The following FCHSD2 variants were observed in gnomAD, a reference collection of about 807,000 sequenced individuals.
The protein encoded by FCHSD2 is F-BAR and double SH3 domains protein 2.
A neutral mutation model predicts 108.1 loss-of-function variants in FCHSD2; 38 were observed. That is an observed-to-expected ratio of 0.35 (90% CI 0.27 to 0.46). FCHSD2 has a LOEUF of 0.46. Ranked by LOEUF, FCHSD2 falls within the 20% of genes least tolerant of loss-of-function variation. FCHSD2 has a pLI of 1.00. For missense variants in FCHSD2, 751 were observed against 897.8 expected, an observed-to-expected ratio of 0.84 and a Z score of 2.09; for synonymous variants, 279 against 314.7, an observed-to-expected ratio of 0.89 and a Z score of 1.20.
chr11:72,964,166 A>C (rs181099149), intron 8 of FCHSD2, among the ~76,000 whole-genome samples: 43 of 152,340 alleles, frequency 2.8e-4, no homozygotes, highest in Non-Finnish European at 2.9e-4. Context: ...GATGTAACAG[A>C]AATCAAGAGA....
At chr11:73,030,344 T>C (rs939527620) in intron 3 of FCHSD2, among the ~76,000 whole-genome samples, 4 of 152,068 alleles carry the variant, frequency 2.6e-5, no homozygotes. Context: ...GATGATGCAA[T>C]AGAGAGATTA....
At chr11:73,052,467 T>C (rs761853700) in intron 3 of FCHSD2, among the ~76,000 whole-genome samples, 15 of 152,278 alleles carry the variant, frequency 9.9e-5, no homozygotes, top group Non-Finnish European at 1.8e-4. Context: ...AATAGTGTAA[T>C]TGTGAATTAC....
intron 4 of FCHSD2, among the ~76,000 whole-genome samples, chr11:73,005,902 C>CTTTT (rs56872243): frequency 1.6e-5 from 2 of 125,666 alleles, no homozygotes; most frequent in Non-Finnish European, 3.4e-5. Context: ...TATTCCTAAA[C>CTTTT]TTTTTTTTTT....
intron 3 of FCHSD2, among the ~76,000 whole-genome samples, chr11:73,072,661 T>G (rs1859463748): frequency 6.6e-6 from 1 of 152,200 alleles, no homozygotes; most frequent in Non-Finnish European, 1.5e-5. Flanking sequence ...AGTTATCCTG[T>G]CTCCTTATTT....
chr11:72,876,965 T>G lies in FCHSD2; in HGVS notation c.1147-8939A>C, dbSNP rs558131993. ...AAATGTATTTTGTCTAACAGTAATA[T>G]GATCACTTCATTTTTTTTTTTTTTA... On this transcript the variant is annotated intron_variant, in intron 12 of 19. Transcript: ENST00000409418. 1.1e-3 allele frequency among the ~76,000 whole-genome samples: 174 copies of G among 152,252 alleles called. 1 individual carries two copies. The highest frequency in any genetic ancestry group is 5.8e-3 in the South Asian group (28 of 4,820).
intron 3 of FCHSD2, among the ~76,000 whole-genome samples, chr11:73,066,576 A>C (rs1245804544): frequency 1.3e-5 from 2 of 152,156 alleles, no homozygotes; most frequent in East Asian, 1.9e-4. Context: ...AATGGGAGAA[A>C]ATTTTTGCAA....
At chr11:73,123,551 T>C (rs1860784205) in intron 2 of FCHSD2, among the ~76,000 whole-genome samples, 1 of 152,238 alleles carries the variant, frequency 6.6e-6, no homozygotes, top group South Asian at 2.1e-4. Flanking sequence ...GCTTTTATAA[T>C]GCGTTCTTGG....
chr11:72,923,221 C>G (rs1856008678), intron 8 of FCHSD2, among the ~76,000 whole-genome samples: 1 of 152,042 alleles, frequency 6.6e-6, no homozygotes, highest in South Asian at 2.1e-4. Context: ...ATAAATAATG[C>G]TGCAAAGTTA....
chr11:72,869,060 C>T (rs1854793064), intron 12 of FCHSD2, among the ~76,000 whole-genome samples: 1 of 151,998 alleles, frequency 6.6e-6, no homozygotes, highest in Non-Finnish European at 1.5e-5. Context: ...GTGTGTACCA[C>T]CACACCCGGC....
At chr11:73,051,222 G>A (rs1858891123) in intron 3 of FCHSD2, among the ~76,000 whole-genome samples, 1 of 152,072 alleles carries the variant, frequency 6.6e-6, no homozygotes, top group African/African-American at 2.4e-5. Flanking sequence ...TGCTGAGGAG[G>A]GAAAATCAGT....
intron 8 of FCHSD2, among the ~76,000 whole-genome samples, chr11:72,963,499 C>A (rs1307151922): frequency 6.6e-6 from 1 of 152,164 alleles, no homozygotes; most frequent in Non-Finnish European, 1.5e-5. Flanking sequence ...AAAAAAACTT[C>A]TCTTCTTTAG....
At chr11:73,009,947 G>T (rs565746256) in intron 4 of FCHSD2, among the ~76,000 whole-genome samples, 1 of 152,206 alleles carries the variant, frequency 6.6e-6, no homozygotes, top group Non-Finnish European at 1.5e-5. Flanking sequence ...TCTAAATCTC[G>T]TTAGACTTGG....
intron 13 of FCHSD2, among the ~76,000 whole-genome samples, chr11:72,863,062 G>A (rs150246305): frequency 2.6e-5 from 4 of 152,094 alleles, no homozygotes; most frequent in African/African-American, 4.8e-5. Flanking sequence ...AGCTAGGACC[G>A]CAGGAATGTA....
intron 3 of FCHSD2, among the ~76,000 whole-genome samples, chr11:73,077,250 A>G (rs1182829256): frequency 6.6e-6 from 1 of 152,116 alleles, no homozygotes; most frequent in African/African-American, 2.4e-5. Flanking sequence ...AATCAATAAA[A>G]TATTTGAACA....
At chr11:73,039,136 C>A (rs558594086) in intron 3 of FCHSD2, among the ~76,000 whole-genome samples, 48 of 152,270 alleles carry the variant, frequency 3.2e-4, no homozygotes, top group African/African-American at 1.2e-3. Context: ...ATTCCAAATC[C>A]TATCTATTCC....
At chr11:72,984,063 A>G in intron 8 of FCHSD2, 25 bp downstream of exon 8, 1 of 1,585,276 alleles carries the variant, frequency 6.3e-7, no homozygotes, top group Non-Finnish European at 8.6e-7. Flanking sequence ...AAGTAAAATT[A>G]CCATAGATAT....
chr11:72,915,907 T>C (rs1012337703), intron 9 of FCHSD2, among the ~76,000 whole-genome samples: 3 of 152,192 alleles, frequency 2.0e-5, no homozygotes, highest in Non-Finnish European at 4.4e-5. Context: ...TGAGATCGTG[T>C]CCTTTGCAGG....
chr11:72,933,581 A>G (rs909838563), intron 8 of FCHSD2, among the ~76,000 whole-genome samples: 2 of 152,188 alleles, frequency 1.3e-5, no homozygotes, highest in African/African-American at 2.4e-5. Context: ...ATGATACCCA[A>G]CTTATATTAG....
At chr11:73,035,469 A>G (rs1173470551) in intron 3 of FCHSD2, among the ~76,000 whole-genome samples, 1 of 151,748 alleles carries the variant, frequency 6.6e-6, no homozygotes, top group Non-Finnish European at 1.5e-5. Context: ...GCGCCTGGCC[A>G]TTAACTTGTT....
Sources: allele counts gnomAD v4.1 joint callset (sites outside exome capture counted in the v4.1 genomes callset), GRCh38; gene constraint gnomAD v4.1.1; transcripts MANE v1.5; gene names NCBI Gene and HGNC (gene_info 2026-07-23, HGNC 2026-07-21).